The following MECOM variants were observed in gnomAD, a reference collection of about 807,000 sequenced individuals.
The protein encoded by MECOM is MDS1 and EVI1 complex locus.
In MECOM, 13 loss-of-function variants were observed where a neutral mutation model predicts 116.3. The ratio of observed to expected loss-of-function variants is 0.11; its 90% CI spans 0.07 to 0.18. The LOEUF is 0.18. Among genes scored for constraint, MECOM ranks in the 10% least tolerant of loss-of-function variants. The pLI is 1.00. For synonymous variants in MECOM, 528 were observed against 535.2 expected (o/e 0.99, Z 0.19); for missense variants, 1,299 against 1,509.0 (o/e 0.86, Z 2.31).
chr3:169,518,039 C>A (rs2109065516), intron 1 of MECOM, among the ~76,000 whole-genome samples: 1 of 152,292 alleles, frequency 6.6e-6, no homozygotes, highest in South Asian at 2.1e-4. Context: ...GCGGGCTGAT[C>A]ACAAGGTCAG....
chr3:169,211,061 TA>T (rs1750663545), intron 2 of MECOM, among the ~76,000 whole-genome samples: 3 of 152,184 alleles, frequency 2.0e-5, no homozygotes, highest in Admixed American at 6.6e-5. Context: ...ATTTTATGAT[TA>T]ATGGTATGTC....
chr3:169,255,889 A>G (rs971092888), intron 2 of MECOM, among the ~76,000 whole-genome samples: 2 of 152,010 alleles, frequency 1.3e-5, no homozygotes, highest in African/African-American at 2.4e-5. Flanking sequence ...TTTGTTAAGT[A>G]TACACCCAAG....
At chr3:169,120,291 T>C (rs1230922875) in intron 7 of MECOM, among the ~76,000 whole-genome samples, 2 of 152,152 alleles carry the variant, frequency 1.3e-5, no homozygotes, top group Non-Finnish European at 2.9e-5. Context: ...ATACAGAGAA[T>C]AGGAGTGGGC....
chr3:169,248,189 G>A (rs1755825347), intron 2 of MECOM, among the ~76,000 whole-genome samples: 1 of 152,118 alleles, frequency 6.6e-6, no homozygotes, highest in South Asian at 2.1e-4. Flanking sequence ...ACAATTACTT[G>A]GGAAAATCAC....
chr3:169,390,064 C>A (rs992566517), intron 1 of MECOM, among the ~76,000 whole-genome samples: 2 of 152,104 alleles, frequency 1.3e-5, no homozygotes, highest in Non-Finnish European at 2.9e-5. Flanking sequence ...GTTGTGCTTG[C>A]GTCAATATGT....
intron 7 of MECOM, among the ~76,000 whole-genome samples, chr3:169,116,948 C>T (rs557125182): frequency 2.0e-5 from 3 of 152,032 alleles, no homozygotes; most frequent in Non-Finnish European, 4.4e-5. Flanking sequence ...TGAGGCAGCA[C>T]AAATATTTCA....
intron 1 of MECOM, among the ~76,000 whole-genome samples, chr3:169,636,847 CAA>C (rs981781549): frequency 6.6e-6 from 1 of 152,294 alleles, no homozygotes; most frequent in South Asian, 2.1e-4. Context: ...CTGAATAAAG[CAA>C]AGAGTCTTGT....
At chr3:169,109,961 C>T (rs971859101) in intron 9 of MECOM, among the ~76,000 whole-genome samples, 2 of 152,132 alleles carry the variant, frequency 1.3e-5, no homozygotes, top group African/African-American at 2.4e-5. Flanking sequence ...TTCCCTAAAA[C>T]ATTGAGAATT....
chr3:169,625,351 T>C (rs1771239537), intron 1 of MECOM, among the ~76,000 whole-genome samples: 1 of 152,196 alleles, frequency 6.6e-6, no homozygotes, highest in African/African-American at 2.4e-5. Flanking sequence ...TTTAGCTCCC[T>C]CTTCTCACTC....
intron 1 of MECOM, among the ~76,000 whole-genome samples, chr3:169,382,676 G>C (rs1275863935): frequency 1.3e-5 from 2 of 151,650 alleles, no homozygotes; most frequent in African/African-American, 4.8e-5. Context: ...CTTCGATCGA[G>C]CTAGTCAAAG....
intron 1 of MECOM, among the ~76,000 whole-genome samples, chr3:169,586,351 T>C (rs933837899): frequency 7.9e-5 from 12 of 152,246 alleles, no homozygotes; most frequent in Admixed American, 6.5e-4. Context: ...AGCCAACAAC[T>C]GTAATAGTTT....
chr3:169,466,475 A>C (rs1289562138), intron 1 of MECOM, among the ~76,000 whole-genome samples: 1 of 152,186 alleles, frequency 6.6e-6, no homozygotes, highest in Non-Finnish European at 1.5e-5. Context: ...TTCTCTTTAA[A>C]AGTGAGATCT....
chr3:169,178,941 A>T (rs1005345431), intron 2 of MECOM, among the ~76,000 whole-genome samples: 1 of 152,220 alleles, frequency 6.6e-6, no homozygotes, highest in African/African-American at 2.4e-5. Flanking sequence ...TAATCATGAA[A>T]TTACAGTTTG....
chr3:169,616,750 C>A (rs1770060559), intron 1 of MECOM, among the ~76,000 whole-genome samples: 1 of 152,196 alleles, frequency 6.6e-6, no homozygotes, highest in African/African-American at 2.4e-5. Flanking sequence ...TACAAAGCCA[C>A]CCTTTAGAGT....
chr3:169,364,756 G>T (rs955430430), intron 2 of MECOM, among the ~76,000 whole-genome samples: 1 of 151,922 alleles, frequency 6.6e-6, no homozygotes, highest in Non-Finnish European at 1.5e-5. Flanking sequence ...GACATCACCT[G>T]TTCACCCACT....
intron 2 of MECOM, among the ~76,000 whole-genome samples, chr3:169,278,016 C>T (rs968182792): frequency 7.9e-5 from 12 of 152,148 alleles, no homozygotes; most frequent in Non-Finnish European, 1.5e-4. Context: ...AAAACAGTTG[C>T]TATATTTACA....
chr3:169,557,204 T>C (rs916314879), intron 1 of MECOM, among the ~76,000 whole-genome samples: 2 of 152,154 alleles, frequency 1.3e-5, no homozygotes, highest in African/African-American at 4.8e-5. Context: ...AATGTGCCCC[T>C]TCTGAAATCC....
At chr3:169,158,088 G>C (rs1742280097) in intron 2 of MECOM, among the ~76,000 whole-genome samples, 2 of 152,088 alleles carry the variant, frequency 1.3e-5, no homozygotes, top group Admixed American at 6.6e-5. Flanking sequence ...TTCTACAAGA[G>C]CTGGCGAGGT....
intron 2 of MECOM, among the ~76,000 whole-genome samples, chr3:169,266,270 T>C (rs1758287994): frequency 6.6e-6 from 1 of 152,192 alleles, no homozygotes. Flanking sequence ...GTGTTGCCCA[T>C]AAACACATCT....
Sources: gnomAD v4.1 joint callset for allele counts (sites outside exome capture counted in the v4.1 genomes callset) on GRCh38, gnomAD v4.1.1 for gene constraint, MANE v1.5 for transcripts, NCBI Gene and HGNC (gene_info 2026-07-23, HGNC 2026-07-21) for gene names.